Variants in RCOR1 observed in about 807,000 individuals in gnomAD.
RCOR1 encodes the protein REST corepressor.
A neutral mutation model predicts 64.0 loss-of-function variants in RCOR1; 12 were observed. The observed-to-expected ratio is 0.19, with a 90% confidence interval of 0.12 to 0.30. The LOEUF (loss-of-function observed/expected upper bound fraction) is 0.30. Among genes scored for constraint, RCOR1 ranks in the 10% least tolerant of loss-of-function variants. RCOR1 has a pLI of 1.00. For synonymous variants in RCOR1, 279 were observed against 227.2 expected, an observed-to-expected ratio of 1.23 and a Z score of -2.05; for missense variants, 502 against 621.2, an observed-to-expected ratio of 0.81 and a Z score of 2.04.
chr14:102,698,794 A>G (rs764900827), intron 3 of RCOR1, among the ~76,000 whole-genome samples: 8 of 152,184 alleles, frequency 5.3e-5, no homozygotes, highest in Non-Finnish European at 1.0e-4. Flanking sequence ...CTGGCCAGGT[A>G]TACAGAACCA....
intron 2 of RCOR1, among the ~76,000 whole-genome samples, chr14:102,649,175 T>C (rs1267610400): frequency 1.3e-5 from 2 of 151,808 alleles, no homozygotes; most frequent in African/African-American, 4.8e-5. Context: ...CAAACATAAA[T>C]TAAAAATCAG....
At chr14:102,605,008 C>T (rs1893474665) in intron 2 of RCOR1, among the ~76,000 whole-genome samples, 1 of 133,184 alleles carries the variant, frequency 7.5e-6, no homozygotes, top group African/African-American at 2.9e-5. Context: ...GGTGGAGCTA[C>T]AGTGAGCCGA....
chr14:102,697,799 C>T (rs1441475506), intron 3 of RCOR1, among the ~76,000 whole-genome samples: 3 of 151,658 alleles, frequency 2.0e-5, no homozygotes, highest in Non-Finnish European at 4.4e-5. Flanking sequence ...TGGCTCACTG[C>T]AACCTCTGCC....
chr14:102,600,305 G>A (rs1893363227), intron 2 of RCOR1, among the ~76,000 whole-genome samples: 13 of 151,750 alleles, frequency 8.6e-5, no homozygotes, highest in Admixed American at 8.6e-4. Flanking sequence ...TTGATCTCCT[G>A]ACCTCGTGAT....
rs1457353465 is a variant in RCOR1, at chr14:102,653,970, TCTTTCTTTCTTTC to T, written c.362-27924_362-27912del. Among the ~76,000 whole-genome samples, 129 of 50,390 alleles carry T rather than the reference TCTTTCTTTCTTTC, an allele frequency of 2.6e-3. 2 individuals carry two copies. The highest frequency in any genetic ancestry group is 0.011 in the East Asian group (27 of 2,510). 33.1% of individuals were successfully genotyped at this position (50,390 alleles called of 152,430 possible). A position where few individuals can be genotyped will look rare whatever the true frequency, so the allele number is the denominator to read the frequency against. On this transcript the variant is annotated intron_variant, in intron 2 of 11. Transcript: ENST00000262241. Reference sequence around the variant, plus strand: ...TTCTTTCTTTCTTTCTTTCTTTCTTTCTTTCTTTCTTTCTTTTTTTTTTTTTTTTTTTTGAGAC... The same window carrying T: ...TTCTTTCTTTCTTTCTTTCTTTCTTTTTTTTTTTTTTTTTTTTTTTGAGAC...
chr14:102,722,438 C>T lies in RCOR1; in HGVS notation c.1419+22C>T, dbSNP rs754854804. 4 of 1,579,080 alleles carry T rather than the reference C, an allele frequency of 2.5e-6. No homozygotes were observed. In the Admixed American group the frequency reaches 6.8e-5, roughly 27 times the overall value. On this transcript the variant is annotated intron_variant, in intron 11 of 11. Coordinates refer to ENST00000262241, the MANE Select transcript of RCOR1 (RefSeq NM_015156.4). The stretch of plus-strand genomic sequence containing the variant: ...CGAGGTAAATCTGAAACAAAACAGT[C>T]ACTTCTCTTGTCAGGTTCACGCTTG...
intron 2 of RCOR1, among the ~76,000 whole-genome samples, chr14:102,649,077 T>C (rs972740755): frequency 1.4e-5 from 2 of 147,806 alleles, no homozygotes; most frequent in South Asian, 2.1e-4. Context: ...AAAAAAAAAA[T>C]AGAATTATTA....
At chr14:102,694,571 G>A (rs1397865283) in intron 3 of RCOR1, among the ~76,000 whole-genome samples, 4 of 152,148 alleles carry the variant, frequency 2.6e-5, no homozygotes, top group South Asian at 2.1e-4. Flanking sequence ...CATTGCGCCC[G>A]GCCAAGAAAT....
intron 2 of RCOR1, among the ~76,000 whole-genome samples, chr14:102,621,804 T>C (rs1395221378): frequency 1.3e-5 from 2 of 152,164 alleles, no homozygotes; most frequent in African/African-American, 4.8e-5. Context: ...AGAGAGGGCC[T>C]CTTTTCGCCC....
intron 3 of RCOR1, among the ~76,000 whole-genome samples, chr14:102,689,726 G>A (rs752328958): frequency 3.9e-5 from 6 of 152,130 alleles, no homozygotes; most frequent in South Asian, 4.1e-4. Context: ...AATGGAAATC[G>A]TTAGCTGTGC....
At chr14:102,710,890 A>G (rs758319812) in intron 6 of RCOR1, 45 bp from the exon 7 acceptor site, 22 of 1,383,268 alleles carry the variant, frequency 1.6e-5, no homozygotes, top group Non-Finnish European at 2.1e-5. Flanking sequence ...GTATTCGGAA[A>G]ATTAGTACAA....
intron 2 of RCOR1, among the ~76,000 whole-genome samples, chr14:102,608,154 G>A (rs909550753): frequency 4.6e-5 from 7 of 152,048 alleles, no homozygotes; most frequent in Non-Finnish European, 8.8e-5. Flanking sequence ...GTCTAGTTCC[G>A]AAACATTTTC....
At chr14:102,689,931 C>T (rs1895498137) in intron 3 of RCOR1, among the ~76,000 whole-genome samples, 1 of 151,950 alleles carries the variant, frequency 6.6e-6, no homozygotes, top group Non-Finnish European at 1.5e-5. Flanking sequence ...TTTTAGTAGA[C>T]ACGGGGTTTC....
chr14:102,633,147 C>G (rs1894164009), intron 2 of RCOR1, among the ~76,000 whole-genome samples: 1 of 151,362 alleles, frequency 6.6e-6, no homozygotes, highest in Non-Finnish European at 1.5e-5. Context: ...GGATCTAATC[C>G]TCTCATAAGA....
intron 2 of RCOR1, among the ~76,000 whole-genome samples, chr14:102,681,592 A>G (rs1369673375): frequency 6.6e-6 from 1 of 152,260 alleles, no homozygotes; most frequent in Non-Finnish European, 1.5e-5. Context: ...ACACATGAAG[A>G]ATTAACATTT....
intron 2 of RCOR1, among the ~76,000 whole-genome samples, chr14:102,637,071 TTATATA>T (rs1158570406): frequency 6.6e-6 from 1 of 152,234 alleles, no homozygotes; most frequent in South Asian, 2.1e-4. Flanking sequence ...CTTTTGATGA[TTATATA>T]TATGGTTAGT....
At chr14:102,669,490 G>GT (rs1894988079) in intron 2 of RCOR1, among the ~76,000 whole-genome samples, 1 of 152,068 alleles carries the variant, frequency 6.6e-6, no homozygotes, top group East Asian at 1.9e-4. Flanking sequence ...ACATTCTTTG[G>GT]TTTTTGATCA....
chr14:102,602,558 C>G lies in RCOR1; in HGVS notation c.361+9233C>G, dbSNP rs542204171. Among the ~76,000 whole-genome samples, 149 of 152,096 alleles carry G rather than the reference C, an allele frequency of 9.8e-4. 1 individual carries two copies. The highest frequency in any genetic ancestry group is 3.4e-3 in the Middle Eastern group (1 of 294). On this transcript the variant is annotated intron_variant, in intron 2 of 11. Transcript: ENST00000262241. The stretch of plus-strand genomic sequence containing the variant: ...AGCTAGGATTACAGGCATGTGCTAC[C>G]ACGCCTGGCTAATTTTAAAAAATAT...
chr14:102,628,483 T>C (rs993914973), intron 2 of RCOR1, among the ~76,000 whole-genome samples: 1 of 152,068 alleles, frequency 6.6e-6, no homozygotes, highest in African/African-American at 2.4e-5. Flanking sequence ...CTTTTCTTTT[T>C]TTGTTTTTTT....
Sources: gnomAD v4.1 joint callset for allele counts (sites outside exome capture counted in the v4.1 genomes callset) on GRCh38, gnomAD v4.1.1 for gene constraint, MANE v1.5 for transcripts, NCBI Gene and HGNC (gene_info 2026-07-23, HGNC 2026-07-21) for gene names.